Variants in RGPD4 observed in about 807,000 individuals in gnomAD.
RGPD4 encodes the protein RANBP2 like and GRIP domain containing 4.
A neutral mutation model predicts 141.1 loss-of-function variants in RGPD4; 84 were observed. That is an observed-to-expected ratio of 0.60 (90% confidence interval 0.50 to 0.71). The LOEUF (loss-of-function observed/expected upper bound fraction) is 0.71. Ranked by LOEUF, RGPD4 falls within the 30% of genes least tolerant of loss-of-function variation. The pLI, the probability that RGPD4 is intolerant of heterozygous loss-of-function variation, is 0.00. For missense variants in RGPD4, 918 were observed against 1,622.4 expected (o/e 0.57, Z 7.46); for synonymous variants, 298 against 566.8 (o/e 0.53, Z 6.74).
intron 8 of RGPD4, among the ~76,000 whole-genome samples, chr2:107,855,974 A>T (rs1419620064): frequency 2.9e-5 from 3 of 101,952 alleles, no homozygotes; most frequent in African/African-American, 1.4e-4. Flanking sequence ...TCAGTACTTT[A>T]TCCGAGGACT....
intron 1 of RGPD4, among the ~76,000 whole-genome samples, chr2:107,831,133 T>C (rs1661383): frequency 0.99 from 72,709 of 73,442 alleles, 36,136 homozygotes; most frequent in East Asian, 1. Flanking sequence ...GCAGAGATTG[T>C]GCCACTGCAC....
rs372428184 is a variant in RGPD4 at position 107,861,617 on chromosome 2, C to T, written c.2082C>T (p.Asp694=). The T allele has an allele frequency of 7.9e-4, 1,272 of 1,610,612 alleles. 5 individuals carry two copies. Among genetic ancestry groups the T allele is most frequent in the South Asian group, 1.5e-3 (140 of 90,958 alleles). The change falls in exon 15 of 23, where the codon GAC becomes GAT. Residue 694 remains aspartate, a synonymous_variant. Transcript: ENST00000408999. ...AGATTTTTCACAGGAAGGCAGAAGA[C>T]ATTGCAAATGATGCCCTTTCTCCTG... is the stretch of plus-strand genomic sequence containing the variant. The part of the protein sequence containing the change: ...LALIFHRKAE[D]IANDALSPEE...
At chr2:107,874,273 G>A (rs955215911) in intron 20 of RGPD4, among the ~76,000 whole-genome samples, 3 of 151,158 alleles carry the variant, frequency 2.0e-5, no homozygotes, top group Non-Finnish European at 4.4e-5. Context: ...TTAGAAAAAT[G>A]TTGTATTTGA....
chr2:107,890,699 T>G (rs1294051884), intron 22 of RGPD4, 22 bp from the exon 23 acceptor site: 3 of 1,596,806 alleles, frequency 1.9e-6, no homozygotes, highest in African/African-American at 2.7e-5. Context: ...TTTTTCTTTT[T>G]TTTTTGTTTT....
At chr2:107,858,045 C>A (rs971851733) in intron 9 of RGPD4, among the ~76,000 whole-genome samples, 1 of 151,932 alleles carries the variant, frequency 6.6e-6, no homozygotes, top group Non-Finnish European at 1.5e-5. Flanking sequence ...CCATATTTTT[C>A]ATCTAAATGG....
At chr2:107,847,027 G>C (rs1327306343) in intron 6 of RGPD4, among the ~76,000 whole-genome samples, 1 of 151,498 alleles carries the variant, frequency 6.6e-6, no homozygotes, top group Non-Finnish European at 1.5e-5. Context: ...GGATCACGAA[G>C]TCAGGAGATC....
In RGPD4 at chr2:107,859,830, A is replaced by C; in HGVS notation, c.1743A>C (p.Lys581Asn). ...CTGCTCTGCTTGTACATTGGGCAAA[A>C]TGCCTTCAGAAAATGGTGAGTTTTA... is the stretch of plus-strand genomic sequence containing the variant. The part of the protein sequence containing the change: ...LQPALLVHWA[K>N]CLQKMGSGLN... Residue 581 changes from lysine to asparagine, a missense_variant, in exon 12 of 23, where the codon AAA becomes AAC. By Grantham distance (94) the Lys-to-Asn change is moderately conservative (BLOSUM62 0). Coordinates refer to ENST00000408999, the MANE Select transcript of RGPD4 (RefSeq NM_182588.3). 1 of 1,599,890 alleles carries C rather than the reference A, an allele frequency of 6.3e-7. No individual in the cohort carries two copies. The highest frequency in any genetic ancestry group is 8.5e-7 in the Non-Finnish European group (1 of 1,177,314).
chr2:107,847,253 C>CA (rs945092252), intron 6 of RGPD4, among the ~76,000 whole-genome samples: 2 of 142,168 alleles, frequency 1.4e-5, no homozygotes, highest in African/African-American at 5.4e-5. Flanking sequence ...AAAACAAAAA[C>CA]AAAAAAACTC....
At chr2:107,881,344 G>A (rs1195456517) in intron 21 of RGPD4, among the ~76,000 whole-genome samples, 1 of 149,620 alleles carries the variant, frequency 6.7e-6, no homozygotes, top group Non-Finnish European at 1.5e-5. Flanking sequence ...TTTTGAGATA[G>A]TCTCGCTCTG....
At chr2:107,875,384 C>T (rs1573526611) in intron 20 of RGPD4, among the ~76,000 whole-genome samples, 2 of 100,022 alleles carry the variant, frequency 2.0e-5, no homozygotes, top group East Asian at 2.2e-4. Context: ...TGTGTGTTTA[C>T]ACTTACTGTT....
chr2:107,829,697 G>C (rs1194476616), intron 1 of RGPD4, among the ~76,000 whole-genome samples: 1 of 152,124 alleles, frequency 6.6e-6, no homozygotes, highest in African/African-American at 2.4e-5. Context: ...GGACCGCGGC[G>C]GGCGGGAGAC....
chr2:107,871,255 A>G lies in RGPD4; in HGVS notation c.3251A>G (p.Asn1084Ser). 6.2e-7 allele frequency: 1 copy of G among 1,608,676 alleles called. No individual in the cohort carries two copies. Among genetic ancestry groups the G allele is most frequent in the Non-Finnish European group, 8.5e-7 (1 of 1,179,500 alleles). ...VRQWKERGLG[N>S]LKILKNEVNG... Reference sequence around the variant, plus strand: ...CAGTGGAAAGAAAGGGGCTTGGGGAACTTAAAAATTCTCAAAAACGAGGTC... The same window carrying G: ...CAGTGGAAAGAAAGGGGCTTGGGGAGCTTAAAAATTCTCAAAAACGAGGTC... The change falls in exon 20 of 23, where the codon AAC (asparagine) becomes AGC (serine). Residue 1084 changes from asparagine (N) to serine (S), a missense_variant. Coordinates refer to ENST00000408999, the MANE Select transcript of RGPD4 (RefSeq NM_182588.3).
Position 107,880,029 on chromosome 2 carries a change from C to G in RGPD4, c.4986C>G (p.Thr1662=). The change falls in exon 21 of 23, where the codon ACC becomes ACG. Residue 1662 remains threonine (T), a synonymous_variant. Transcript: ENST00000408999. Reference sequence around the variant, plus strand: ...AATTGGTTCAGAAGCTCAGTTCCACCACAAAAAGTGCAGATCACTTAAACG... The same window carrying G: ...AATTGGTTCAGAAGCTCAGTTCCACGACAAAAAGTGCAGATCACTTAAACG... ...KEELVQKLSS[T]TKSADHLNGL... is the part of the protein sequence containing the mutation. 1.2e-6 allele frequency: 2 copies of G among 1,611,374 alleles called. No homozygotes were observed. The highest frequency in any genetic ancestry group is 4.5e-5 in the East Asian group (2 of 44,858).
intron 21 of RGPD4, 110 bp downstream of exon 21, chr2:107,880,217 T>C: frequency 7.0e-7 from 1 of 1,434,486 alleles, no homozygotes; most frequent in Non-Finnish European, 9.6e-7. Context: ...ATCTATAACG[T>C]CTTGATCTTT....
intron 1 of RGPD4, among the ~76,000 whole-genome samples, chr2:107,830,292 T>A (rs1424021731): frequency 6.6e-6 from 1 of 151,088 alleles, no homozygotes; most frequent in African/African-American, 2.4e-5. Flanking sequence ...ATGCTGAGAT[T>A]ACAGGTGTGA....
intron 9 of RGPD4, among the ~76,000 whole-genome samples, chr2:107,857,187 G>T (rs1466990639): frequency 6.7e-6 from 1 of 149,826 alleles, no homozygotes; most frequent in Non-Finnish European, 1.5e-5. Context: ...GCCCATGCTG[G>T]AGTGCAGTGG....
In RGPD4 at chr2:107,827,751, C is replaced by G. The variant is rs1312823819; in HGVS notation, c.72+666C>G. On this transcript the variant is annotated intron_variant, in intron 1 of 22. Transcript: ENST00000408999. ...CTCGATGGCTCAGGCGTCATGGCTC[C>G]TGACGGGCGCTGCTCCCTGGCGCGC... is the stretch of plus-strand genomic sequence containing the variant. Among the ~76,000 whole-genome samples, 26 of 45,024 alleles carry G rather than the reference C, an allele frequency of 5.8e-4. 7 individuals carry two copies. Among genetic ancestry groups the G allele is most frequent in the African/African-American group, 3.0e-3 (24 of 7,976 alleles). The allele number at this position is 45,024 out of a possible 152,430, so 29.5% of individuals were successfully genotyped here. A position where few individuals can be genotyped will look rare whatever the true frequency, so the allele number is the denominator to read the frequency against.
At chr2:107,849,528 G>C (rs1480338329) in intron 7 of RGPD4, among the ~76,000 whole-genome samples, 2 of 3,356 alleles carry the variant, frequency 6.0e-4, no homozygotes, top group Non-Finnish European at 2.8e-3. Context: ...CACCACACCT[G>C]GCTAATTTTT....
At chr2:107,873,436 G>A (rs1240168590) in intron 20 of RGPD4, among the ~76,000 whole-genome samples, 3 of 143,128 alleles carry the variant, frequency 2.1e-5, no homozygotes, top group Non-Finnish European at 4.5e-5. Context: ...AGCCGGGCGT[G>A]GTGGTGCGTG....
Sources: gnomAD v4.1 joint callset for allele counts (sites outside exome capture counted in the v4.1 genomes callset) on GRCh38, gnomAD v4.1.1 for gene constraint, MANE v1.5 for transcripts, NCBI Gene and HGNC (gene_info 2026-07-23, HGNC 2026-07-21) for gene names.